The following MPP7 variants were observed in gnomAD, a reference collection of about 807,000 sequenced individuals.
MPP7 encodes MAGUK p55 scaffold protein 7.
Under a neutral mutation model 76.5 loss-of-function variants are expected in MPP7, and 60 were observed. The observed-to-expected ratio is 0.78, with a 90% CI of 0.64 to 0.97. The LOEUF (loss-of-function observed/expected upper bound fraction) is 0.97. Ranked by LOEUF, MPP7 falls within the 50% of genes least tolerant of loss-of-function variation. The pLI, the probability that MPP7 is intolerant of heterozygous loss-of-function variation, is 0.00. For missense variants in MPP7, 641 were observed against 694.0 expected, an observed-to-expected ratio of 0.92 and a Z score of 0.86; for synonymous variants, 237 against 244.5, an observed-to-expected ratio of 0.97 and a Z score of 0.29.
intron 6 of MPP7, among the ~76,000 whole-genome samples, chr10:28,131,218 A>G (rs1413145561): frequency 6.6e-6 from 1 of 152,380 alleles, no homozygotes. Flanking sequence ...AATTGAATTA[A>G]GTATATAAAA....
At chr10:28,184,193 AAT>A (rs1385325442) in intron 3 of MPP7, among the ~76,000 whole-genome samples, 4 of 49,690 alleles carry the variant, frequency 8.0e-5, no homozygotes, top group Non-Finnish European at 1.3e-4. Context: ...TATATATCAA[AAT>A]ATATATATCT....
intron 12 of MPP7, among the ~76,000 whole-genome samples, chr10:28,085,166 C>T (rs1398498912): frequency 1.3e-5 from 2 of 152,180 alleles, no homozygotes; most frequent in Non-Finnish European, 2.9e-5. Flanking sequence ...CCATATTCTA[C>T]AGTAAGATAA....
intron 14 of MPP7, 54 bp from the exon 15 acceptor site, chr10:28,058,657 T>C (rs1028625609): frequency 2.9e-5 from 28 of 982,228 alleles, no homozygotes; most frequent in Non-Finnish European, 3.9e-5. Flanking sequence ...CAATTATAGG[T>C]GGCAAGATAA....
intron 3 of MPP7, among the ~76,000 whole-genome samples, chr10:28,163,499 C>T (rs559117620): frequency 9.1e-4 from 138 of 152,216 alleles, no homozygotes; most frequent in Non-Finnish European, 1.4e-3. Context: ...AAGAGGGCTG[C>T]CCTGGTTTAT....
At chr10:28,073,135 T>C (rs1372951953) in intron 12 of MPP7, among the ~76,000 whole-genome samples, 2 of 152,166 alleles carry the variant, frequency 1.3e-5, no homozygotes, top group Non-Finnish European at 2.9e-5. Flanking sequence ...AATTTCGACT[T>C]TTCTCCAGGC....
chr10:28,255,517 C>T lies in MPP7; in HGVS notation c.-131-16782G>A, dbSNP rs1250154871. 2.6e-5 allele frequency among the ~76,000 whole-genome samples: 4 copies of T among 151,252 alleles called. No individual in the cohort carries two copies. In the East Asian group the frequency reaches 5.9e-4, roughly 22 times the overall value. On this transcript the variant is annotated intron_variant, in intron 1 of 16. Transcript: ENST00000683449. ...GCAACCTCCGCCTCCTAGGTTCAAGCGATTCTTCTGCCTCAGCCTCCCAAG... is the reference window on the plus strand; with the variant it reads ...GCAACCTCCGCCTCCTAGGTTCAAGTGATTCTTCTGCCTCAGCCTCCCAAG...
intron 2 of MPP7, among the ~76,000 whole-genome samples, chr10:28,228,070 T>C (rs757307642): frequency 1.2e-4 from 18 of 152,190 alleles, no homozygotes; most frequent in African/African-American, 4.3e-4. Context: ...CCGAAAAGTA[T>C]GAATATGATC....
chr10:28,183,438 A>G (rs748449934), intron 3 of MPP7, among the ~76,000 whole-genome samples: 1 of 152,206 alleles, frequency 6.6e-6, no homozygotes, highest in Non-Finnish European at 1.5e-5. Context: ...ACAGACTATT[A>G]ATTTTCACTG....
intron 12 of MPP7, among the ~76,000 whole-genome samples, chr10:28,081,335 T>C (rs1852750063): frequency 6.6e-6 from 1 of 152,202 alleles, no homozygotes; most frequent in South Asian, 2.1e-4. Context: ...TTTATTACTT[T>C]ACTTTTCAAA....
chr10:28,144,745 GC>G, intron 5 of MPP7, among the ~76,000 whole-genome samples: 1 of 152,044 alleles, frequency 6.6e-6, no homozygotes, highest in Admixed American at 6.6e-5. Flanking sequence ...TTCTCCCCCT[GC>G]CCAAGTTTGG....
intron 11 of MPP7, among the ~76,000 whole-genome samples, chr10:28,107,173 C>T (rs925685145): frequency 3.3e-5 from 5 of 152,088 alleles, no homozygotes; most frequent in African/African-American, 1.2e-4. Context: ...TTAAATATGT[C>T]CAGTGCTCTT....
chr10:28,194,776 A>G (rs1420260618), intron 3 of MPP7, among the ~76,000 whole-genome samples: 1 of 152,226 alleles, frequency 6.6e-6, no homozygotes, highest in Non-Finnish European at 1.5e-5. Context: ...CTTCATGACA[A>G]TGTAATAATA....
At chr10:28,249,586 C>T (rs893454541) in intron 1 of MPP7, among the ~76,000 whole-genome samples, 3 of 152,044 alleles carry the variant, frequency 2.0e-5, no homozygotes, top group African/African-American at 4.8e-5. Context: ...CTTTGTACAC[C>T]GCCAAAAAAG....
intron 1 of MPP7, among the ~76,000 whole-genome samples, chr10:28,290,286 C>CTTT (rs57836658): frequency 0.015 from 1,916 of 131,804 alleles, 29 homozygotes; most frequent in East Asian, 0.069. Flanking sequence ...TTTTACTTTC[C>CTTT]TTTTTTTTTT....
At chr10:28,063,140 A>C (rs1174801371) in intron 13 of MPP7, among the ~76,000 whole-genome samples, 2 of 152,150 alleles carry the variant, frequency 1.3e-5, no homozygotes. Context: ...GAACTCTCAA[A>C]ACTCAGTCAC....
rs1851659974 is a variant in MPP7, at chr10:28,058,704, ATT to A, written c.1299-103_1299-102del. 3 of 547,698 alleles carry A rather than the reference ATT, an allele frequency of 5.5e-6. No homozygotes were observed. The Admixed American group carries it at 9.6e-5, about 18-fold the overall frequency. 33.9% of individuals were successfully genotyped at this position (547,698 alleles called of 1,614,324 possible). On this transcript the variant is annotated intron_variant, in intron 14 of 16. Coordinates refer to ENST00000683449, the MANE Select transcript of MPP7 (RefSeq NM_001318170.2). Reference sequence around the variant, plus strand: ...AAAAGACGTTTCTGCTGAACACGTAATTTTTTTAAACTGTGTTTAATAATATA... The same window carrying A: ...AAAAGACGTTTCTGCTGAACACGTAATTTTTAAACTGTGTTTAATAATATA...
chr10:28,304,058 T>G (rs1841226618), upstream of MPP7, among the ~76,000 whole-genome samples: 2 of 151,996 alleles, frequency 1.3e-5, no homozygotes, highest in African/African-American at 4.8e-5. Flanking sequence ...GCTCAGCTGA[T>G]GGAGGGAATC....
chr10:28,299,948 T>C (rs1841116206), intron 1 of MPP7, among the ~76,000 whole-genome samples: 2 of 151,946 alleles, frequency 1.3e-5, no homozygotes, highest in Admixed American at 6.5e-5. Context: ...TTCTATTTTT[T>C]AGTAGAGACA....
chr10:28,191,161 A>T (rs1366764249), intron 3 of MPP7, among the ~76,000 whole-genome samples: 1 of 152,184 alleles, frequency 6.6e-6, no homozygotes. Context: ...AACAGCAAGC[A>T]CCAGGTCCAG....
Sources: allele counts gnomAD v4.1 joint callset (sites outside exome capture counted in the v4.1 genomes callset), GRCh38; gene constraint gnomAD v4.1.1; transcripts MANE v1.5; gene names NCBI Gene and HGNC (gene_info 2026-07-23, HGNC 2026-07-21).